The following CNST variants were observed in gnomAD, a reference collection of about 807,000 sequenced individuals.
CNST encodes consortin.
Under a neutral mutation model 72.4 loss-of-function variants are expected in CNST, and 39 were observed. That is an observed-to-expected ratio of 0.54 (90% CI 0.42 to 0.70). The LOEUF is 0.70. CNST is among the 30% of genes least tolerant of loss of function. CNST has a pLI of 0.00. For synonymous variants in CNST, 332 were observed against 320.1 expected, an observed-to-expected ratio of 1.04 and a Z score of -0.40; for missense variants, 871 against 868.5, an observed-to-expected ratio of 1.00 and a Z score of -0.04.
chr1:246,609,075 G>T (rs1332103809), intron 2 of CNST, among the ~76,000 whole-genome samples: 1 of 152,206 alleles, frequency 6.6e-6, no homozygotes, highest in Non-Finnish European at 1.5e-5. Context: ...ACCCGGGGGT[G>T]TGGGAGGGAG....
chr1:246,615,454 C>T (rs1323999589), intron 2 of CNST, among the ~76,000 whole-genome samples: 13 of 151,340 alleles, frequency 8.6e-5, no homozygotes, highest in African/African-American at 2.7e-4. Flanking sequence ...GGATTACAGG[C>T]GTGAGCCACT....
At chr1:246,608,851 A>G (rs1390694591) in intron 2 of CNST, among the ~76,000 whole-genome samples, 2 of 152,228 alleles carry the variant, frequency 1.3e-5, no homozygotes, top group Non-Finnish European at 2.9e-5. Context: ...CCACTTAGTC[A>G]ACACTCAAGT....
chr1:246,621,667 C>T (rs779328334), intron 3 of CNST, 33 bp downstream of exon 3: 53 of 1,546,214 alleles, frequency 3.4e-5, no homozygotes, highest in East Asian at 1.1e-4. Flanking sequence ...TTCAGCCTCA[C>T]GAAAATTCCC....
chr1:246,627,698 AC>A (rs1302988232), intron 3 of CNST, among the ~76,000 whole-genome samples: 1 of 152,142 alleles, frequency 6.6e-6, no homozygotes, highest in African/African-American at 2.4e-5. Flanking sequence ...TAAAGCATAG[AC>A]ATGTAAAATT....
chr1:246,659,408 C>A lies in CNST; in HGVS notation c.1837-791C>A, dbSNP rs999189344. Reference sequence around the variant, plus strand: ...AGGAGATCGAGACCATCCTGGCTAACTCGGTGAAACCCCGTCTCTACTGAA... The same window carrying A: ...AGGAGATCGAGACCATCCTGGCTAAATCGGTGAAACCCCGTCTCTACTGAA... On this transcript the variant is annotated intron_variant, in intron 9 of 10. Coordinates refer to ENST00000366513, the MANE Select transcript of CNST (RefSeq NM_152609.3). 1.2e-4 allele frequency among the ~76,000 whole-genome samples: 18 copies of A among 152,276 alleles called. No individual in the cohort carries two copies. The East Asian group carries it at 3.3e-3, about 28-fold the overall frequency.
At chr1:246,573,357 TGAACTTTTGTTTTAAAATTAATCTGTTA>T (rs1228561769) in intron 1 of CNST, among the ~76,000 whole-genome samples, 1 of 152,258 alleles carries the variant, frequency 6.6e-6, no homozygotes, top group Non-Finnish European at 1.5e-5. Flanking sequence ...CCATTACATT[TGAACTTTTGTTTTAAAATTAATCTGTTA>T]GATCATATAT....
chr1:246,632,324 C>T (rs981416545), intron 4 of CNST: 3 of 293,704 alleles, frequency 1.0e-5, no homozygotes, highest in African/African-American at 4.4e-5. Context: ...AGACTTGGGA[C>T]CCGGGACATT....
In CNST at chr1:246,660,201, T is replaced by C; in HGVS notation, c.1839T>C (p.Val613=). 1 of 1,606,874 alleles carries C rather than the reference T, an allele frequency of 6.2e-7. No individual in the cohort carries two copies. The highest frequency in any genetic ancestry group is 1.1e-5 in the South Asian group (1 of 89,468). Residue 613 remains valine, a splice_region_variant and synonymous_variant, in exon 10 of 11, where the codon GTT becomes GTC. Coordinates refer to ENST00000366513, the MANE Select transcript of CNST (RefSeq NM_152609.3). ...DLAKRIEIAE[V]VPTEGLVSIL... is the part of the protein sequence containing the mutation. ...TAGGTTCTTATAATTTCTGACAGGT[T>C]GTTCCTACTGAAGGATTGGTCTCCA...
At chr1:246,572,847 G>A (rs1660149578) in intron 1 of CNST, among the ~76,000 whole-genome samples, 2 of 152,146 alleles carry the variant, frequency 1.3e-5, no homozygotes, top group African/African-American at 2.4e-5. Flanking sequence ...ACAGGTGTGA[G>A]TCACTGCACC....
intron 1 of CNST, among the ~76,000 whole-genome samples, chr1:246,567,533 T>A (rs144979360): frequency 6.6e-6 from 1 of 152,098 alleles, no homozygotes; most frequent in Non-Finnish European, 1.5e-5. Flanking sequence ...CTACTGAGAG[T>A]GTAATTGAGT....
chr1:246,623,056 C>G (rs1664193181), intron 3 of CNST, among the ~76,000 whole-genome samples: 1 of 152,172 alleles, frequency 6.6e-6, no homozygotes. Context: ...CTCCTGACCT[C>G]AAGTGATCCA....
intron 1 of CNST, among the ~76,000 whole-genome samples, chr1:246,567,009 C>T (rs988651483): frequency 6.6e-6 from 1 of 152,102 alleles, no homozygotes; most frequent in African/African-American, 2.4e-5. Context: ...GCCCGCTCTC[C>T]CCACCCTCGT....
Position 246,647,145 on chromosome 1 carries a change from A to C in CNST, c.944A>C (p.Lys315Thr), listed in dbSNP as rs1037631488. Reference sequence around the variant, plus strand: ...TATTTTTCTTCATCTTTAGAGAGTAAAACTTGTCTCGGCACAGAGTCAAGT... The same window carrying C: ...TATTTTTCTTCATCTTTAGAGAGTACAACTTGTCTCGGCACAGAGTCAAGT... ...GGATTKESES[K>T]TCLGTESSKE... The change falls in exon 9 of 11, where the codon AAA (lysine) becomes ACA (threonine). Residue 315 changes from lysine (K) to threonine (T), a missense_variant. Coordinates refer to ENST00000366513, the MANE Select transcript of CNST (RefSeq NM_152609.3). 7.5e-6 allele frequency: 12 copies of C among 1,608,428 alleles called. No individual in the cohort carries two copies. Among genetic ancestry groups the C allele is most frequent in the Non-Finnish European group, 8.5e-6 (10 of 1,177,798 alleles).
At chr1:246,634,116 T>C in intron 5 of CNST, 106 bp downstream of exon 5, 1 of 754,908 alleles carries the variant, frequency 1.3e-6, no homozygotes, top group Non-Finnish European at 2.3e-6. Flanking sequence ...AAATAGATGT[T>C]TCCATAAACA....
At chr1:246,625,232 A>T (rs1664335810) in intron 3 of CNST, among the ~76,000 whole-genome samples, 1 of 152,154 alleles carries the variant, frequency 6.6e-6, no homozygotes, top group African/African-American at 2.4e-5. Flanking sequence ...GATTCAGTGC[A>T]GGATGGCATA....
intron 2 of CNST, 63 bp downstream of exon 2, chr1:246,592,004 C>G: frequency 7.6e-7 from 1 of 1,313,054 alleles, no homozygotes; most frequent in Non-Finnish European, 1.0e-6. Flanking sequence ...TCCTTCCCTC[C>G]CATACTGTGT....
rs527969752 is a variant in CNST, at chr1:246,623,980, A to G, written c.585+2346A>G. The stretch of plus-strand genomic sequence containing the variant: ...CAGGACGCTAAGGTGGGAGGATTGC[A>G]TGAGCCCAGGAGTTTGAGGCTGCAA... On this transcript the variant is annotated intron_variant, in intron 3 of 10. Coordinates refer to ENST00000366513, the MANE Select transcript of CNST (RefSeq NM_152609.3). Among the ~76,000 whole-genome samples the G allele has an allele frequency of 1.1e-3, 166 of 151,084 alleles. 1 individual carries two copies. The highest frequency in any genetic ancestry group is 3.4e-3 in the Middle Eastern group (1 of 290).
intron 2 of CNST, among the ~76,000 whole-genome samples, chr1:246,604,075 T>C (rs1440950706): frequency 6.6e-6 from 1 of 152,036 alleles, no homozygotes; most frequent in Non-Finnish European, 1.5e-5. Flanking sequence ...CTACTAAAAC[T>C]ACAAAAACTA....
intron 2 of CNST, among the ~76,000 whole-genome samples, chr1:246,597,576 G>A (rs572028653): frequency 6.6e-6 from 1 of 152,314 alleles, no homozygotes; most frequent in Admixed American, 6.5e-5. Context: ...GGCAGCACAT[G>A]GAAACTGGGA....
Sources: gnomAD v4.1 joint callset for allele counts (sites outside exome capture counted in the v4.1 genomes callset) on GRCh38, gnomAD v4.1.1 for gene constraint, MANE v1.5 for transcripts, NCBI Gene and HGNC (gene_info 2026-07-23, HGNC 2026-07-21) for gene names.